Variants in AUTS2 observed in about 807,000 individuals in gnomAD.
AUTS2 encodes autism susceptibility gene 2 protein.
In AUTS2, 17 loss-of-function variants were observed where a neutral mutation model predicts 112.4. The ratio of observed to expected loss-of-function variants is 0.15; its 90% CI spans 0.10 to 0.23. The LOEUF is 0.23. Among genes scored for constraint, AUTS2 ranks in the 10% least tolerant of loss-of-function variants. The pLI is 1.00. For synonymous variants in AUTS2, 751 were observed against 702.7 expected, an observed-to-expected ratio of 1.07 and a Z score of -1.09; for missense variants, 1,510 against 1,701.6, an observed-to-expected ratio of 0.89 and a Z score of 1.98.
chr7:70,524,471 A>G (rs1434194735), intron 5 of AUTS2, among the ~76,000 whole-genome samples: 1 of 152,234 alleles, frequency 6.6e-6, no homozygotes, highest in African/African-American at 2.4e-5. Context: ...ATTAGGACCT[A>G]CATGCCTACA....
At chr7:70,603,132 A>G (rs1369045287) in intron 5 of AUTS2, among the ~76,000 whole-genome samples, 1 of 152,236 alleles carries the variant, frequency 6.6e-6, no homozygotes, top group Non-Finnish European at 1.5e-5. Flanking sequence ...AGAACAAAGT[A>G]TATAAATGCC....
chr7:70,522,491 G>A (rs1213404463), intron 5 of AUTS2, among the ~76,000 whole-genome samples: 1 of 152,124 alleles, frequency 6.6e-6, no homozygotes, highest in African/African-American at 2.4e-5. Flanking sequence ...ACTGTCTGTT[G>A]TTGCCACGTT....
At chr7:70,754,637 A>G (rs189024729) in intron 6 of AUTS2, among the ~76,000 whole-genome samples, 1 of 152,134 alleles carries the variant, frequency 6.6e-6, no homozygotes, top group African/African-American at 2.4e-5. Flanking sequence ...GTCTGGGTTA[A>G]TTTTCTTATT....
At chr7:69,814,754 C>T (rs932963596) in intron 1 of AUTS2, among the ~76,000 whole-genome samples, 8 of 152,222 alleles carry the variant, frequency 5.3e-5, no homozygotes, top group African/African-American at 1.2e-4. Flanking sequence ...GCGGTATGGG[C>T]GAATGGAGCG....
At chr7:70,520,516 C>A (rs1252853154) in intron 5 of AUTS2, among the ~76,000 whole-genome samples, 1 of 152,192 alleles carries the variant, frequency 6.6e-6, no homozygotes, top group African/African-American at 2.4e-5. Flanking sequence ...ATCCAGGTCC[C>A]ACCTTTAGAT....
At chr7:70,265,038 A>T (rs1262510630) in intron 4 of AUTS2, among the ~76,000 whole-genome samples, 1 of 152,226 alleles carries the variant, frequency 6.6e-6, no homozygotes, top group Non-Finnish European at 1.5e-5. Context: ...TTTATTTTAT[A>T]TTCCTCAAAT....
intron 2 of AUTS2, among the ~76,000 whole-genome samples, chr7:69,921,128 C>G (rs145101583): frequency 6.6e-6 from 1 of 152,210 alleles, no homozygotes; most frequent in Non-Finnish European, 1.5e-5. Flanking sequence ...GGTTTGTTTT[C>G]TTATTGTTAA....
At chr7:70,326,084 A>G (rs1377858751) in intron 4 of AUTS2, among the ~76,000 whole-genome samples, 1 of 152,080 alleles carries the variant, frequency 6.6e-6, no homozygotes, top group African/African-American at 2.4e-5. Context: ...GAGCCTAGAG[A>G]GGCAATCACA....
intron 1 of AUTS2, among the ~76,000 whole-genome samples, chr7:69,688,349 A>G (rs981423255): frequency 6.6e-6 from 1 of 152,218 alleles, no homozygotes; most frequent in Non-Finnish European, 1.5e-5. Context: ...TCTCAACTCT[A>G]CAGTGAAGTT....
chr7:69,609,764 G>A (rs1259910024), intron 1 of AUTS2, among the ~76,000 whole-genome samples: 1 of 152,218 alleles, frequency 6.6e-6, no homozygotes, highest in Non-Finnish European at 1.5e-5. Context: ...CACATGACGT[G>A]TTGACTAAGG....
At chr7:70,537,081 T>C (rs930164847) in intron 5 of AUTS2, among the ~76,000 whole-genome samples, 1 of 152,192 alleles carries the variant, frequency 6.6e-6, no homozygotes, top group East Asian at 1.9e-4. Context: ...CCAGGCTCCA[T>C]GCACATTCAT....
chr7:70,340,148 C>CCA (rs1791190394), intron 4 of AUTS2, among the ~76,000 whole-genome samples: 1 of 126,218 alleles, frequency 7.9e-6, no homozygotes, highest in African/African-American at 3.3e-5. Context: ...CCATCTGTGT[C>CCA]CATGTATGGA....
At chr7:70,051,545 C>T (rs1276663765) in intron 2 of AUTS2, among the ~76,000 whole-genome samples, 1 of 152,050 alleles carries the variant, frequency 6.6e-6, no homozygotes, top group Non-Finnish European at 1.5e-5. Flanking sequence ...GATGAAACCC[C>T]TTCTCTACTA....
chr7:70,275,038 A>C (rs1357865793), intron 4 of AUTS2, among the ~76,000 whole-genome samples: 1 of 152,222 alleles, frequency 6.6e-6, no homozygotes, highest in Non-Finnish European at 1.5e-5. Flanking sequence ...GTATATCCAT[A>C]GAACAGAATA....
chr7:69,999,748 C>CCA (rs970963957), intron 2 of AUTS2, among the ~76,000 whole-genome samples: 20 of 151,732 alleles, frequency 1.3e-4, no homozygotes, highest in Admixed American at 5.3e-4. Flanking sequence ...TACCCCCCTG[C>CCA]CACACACACA....
chr7:70,788,707 T>A (rs1226490368), intron 18 of AUTS2, among the ~76,000 whole-genome samples: 1 of 152,206 alleles, frequency 6.6e-6, no homozygotes. Flanking sequence ...TTAAAAGTTA[T>A]TCTTCTTCTC....
At chr7:69,695,503 TA>T (rs1293055198) in intron 1 of AUTS2, among the ~76,000 whole-genome samples, 2 of 152,160 alleles carry the variant, frequency 1.3e-5, no homozygotes, top group African/African-American at 2.4e-5. Flanking sequence ...GATATTTGAT[TA>T]GGGGTAGGTC....
At chr7:70,349,952 G>A (rs1791673603) in intron 4 of AUTS2, among the ~76,000 whole-genome samples, 1 of 152,128 alleles carries the variant, frequency 6.6e-6, no homozygotes, top group Non-Finnish European at 1.5e-5. Context: ...CAAGAACTGG[G>A]ACAGTGTTGG....
chr7:70,096,470 C>A (rs916254921), intron 2 of AUTS2, among the ~76,000 whole-genome samples: 1 of 151,126 alleles, frequency 6.6e-6, no homozygotes, highest in Admixed American at 6.6e-5. Context: ...TGGTGGCGGG[C>A]GCCTGTAATC....
Sources: allele counts gnomAD v4.1 joint callset (sites outside exome capture counted in the v4.1 genomes callset), GRCh38; gene constraint gnomAD v4.1.1; transcripts MANE v1.5; gene names NCBI Gene and HGNC (gene_info 2026-07-23, HGNC 2026-07-21).